The following SMOC2 variants were observed in gnomAD, a reference collection of about 807,000 sequenced individuals.
The protein encoded by SMOC2 is SPARC related modular calcium binding 2, also known as SPARC-related modular calcium-binding protein 2.
Under a neutral mutation model 61.4 loss-of-function variants are expected in SMOC2, and 39 were observed. The ratio of observed to expected loss-of-function variants is 0.64; its 90% CI spans 0.49 to 0.83. SMOC2 has a LOEUF of 0.83. SMOC2 is among the 40% of genes least tolerant of loss of function. SMOC2 has a pLI of 0.00. For missense variants in SMOC2, 556 were observed against 592.9 expected, an observed-to-expected ratio of 0.94 and a Z score of 0.65; for synonymous variants, 247 against 239.9, an observed-to-expected ratio of 1.03 and a Z score of -0.27.
At chr6:168,571,558 C>T (rs1185805078) in intron 7 of SMOC2, among the ~76,000 whole-genome samples, 2 of 152,090 alleles carry the variant, frequency 1.3e-5, no homozygotes, top group African/African-American at 2.4e-5. Flanking sequence ...TCTGTTTAGA[C>T]GGTTGCATGA....
intron 2 of SMOC2, among the ~76,000 whole-genome samples, chr6:168,521,534 C>G (rs903514947): frequency 6.6e-6 from 1 of 152,020 alleles, no homozygotes; most frequent in African/African-American, 2.4e-5. Context: ...GAAATATCAT[C>G]CAACAGGTAG....
At chr6:168,663,904 C>A (rs373649806) in intron 11 of SMOC2, among the ~76,000 whole-genome samples, 170 bp from the exon 12 acceptor site, 2 of 152,016 alleles carry the variant, frequency 1.3e-5, no homozygotes. Flanking sequence ...TGGAACCAAT[C>A]CCTTCTGGAT....
chr6:168,634,655 A>G (rs1786667022), intron 9 of SMOC2, among the ~76,000 whole-genome samples: 1 of 152,248 alleles, frequency 6.6e-6, no homozygotes, highest in Non-Finnish European at 1.5e-5. Context: ...AGGCTACAAG[A>G]CCAGAACTTG....
intron 8 of SMOC2, among the ~76,000 whole-genome samples, chr6:168,601,720 C>T (rs1015782721): frequency 6.6e-6 from 1 of 152,094 alleles, no homozygotes; most frequent in Non-Finnish European, 1.5e-5. Context: ...GCTGTCAAAC[C>T]CAGAGCTCCT....
At chr6:168,443,922 C>G (rs371809853) in intron 1 of SMOC2, among the ~76,000 whole-genome samples, 1 of 152,182 alleles carries the variant, frequency 6.6e-6, no homozygotes, top group African/African-American at 2.4e-5. Context: ...AATACATAAT[C>G]TCTTTCAAGC....
intron 7 of SMOC2, among the ~76,000 whole-genome samples, chr6:168,585,392 C>G (rs1785024911): frequency 6.6e-6 from 1 of 152,216 alleles, no homozygotes. Flanking sequence ...CATTCATTCT[C>G]TGCAATTTAC....
chr6:168,647,665 G>A (rs1362907142), intron 9 of SMOC2, among the ~76,000 whole-genome samples: 4 of 152,206 alleles, frequency 2.6e-5, no homozygotes, highest in Admixed American at 6.5e-5. Context: ...ACATCTCAGG[G>A]TGATGAAATT....
Position 168,552,912 on chromosome 6 carries a change from C to T in SMOC2, c.637+3709C>T, listed in dbSNP as rs549774988. 4.0e-5 allele frequency among the ~76,000 whole-genome samples: 6 copies of T among 150,734 alleles called. No individual in the cohort carries two copies. The South Asian group carries it at 1.1e-3, about 27-fold the overall frequency. The stretch of plus-strand genomic sequence containing the variant: ...CCTCACTGTCCTCCGAGATGCTCTG[C>T]AGGAGGTGAGTGACGGCACTTGAAA... On this transcript the variant is annotated intron_variant, in intron 7 of 12. Coordinates refer to ENST00000356284, the MANE Select transcript of SMOC2 (RefSeq NM_001166412.2).
At chr6:168,608,786 A>G (rs1005225920) in intron 9 of SMOC2, among the ~76,000 whole-genome samples, 27 of 152,238 alleles carry the variant, frequency 1.8e-4, no homozygotes, top group African/African-American at 6.5e-4. Flanking sequence ...GGTGAATTTG[A>G]TATATCATTA....
intron 9 of SMOC2, among the ~76,000 whole-genome samples, chr6:168,625,293 G>C (rs1038309762): frequency 2.0e-5 from 3 of 152,218 alleles, no homozygotes; most frequent in Admixed American, 2.0e-4. Flanking sequence ...CAGCGCTGCA[G>C]AGTCCCCTTC....
intron 1 of SMOC2, among the ~76,000 whole-genome samples, chr6:168,495,031 A>G (rs1160846597): frequency 6.6e-6 from 1 of 152,212 alleles, no homozygotes; most frequent in Non-Finnish European, 1.5e-5. Flanking sequence ...ACCTTCCTGA[A>G]ACCCGCAGGG....
intron 7 of SMOC2, among the ~76,000 whole-genome samples, chr6:168,597,253 T>C (rs1785357784): frequency 6.6e-6 from 1 of 152,248 alleles, no homozygotes; most frequent in Admixed American, 6.5e-5. Context: ...TAGTCAGTAA[T>C]GGACTAATCA....
intron 7 of SMOC2, among the ~76,000 whole-genome samples, chr6:168,556,428 G>T (rs1045248347): frequency 1.3e-5 from 2 of 152,166 alleles, no homozygotes; most frequent in African/African-American, 2.4e-5. Context: ...CCCCACGCGG[G>T]AAGCTGTTCC....
chr6:168,530,165 A>G (rs1016987037), intron 4 of SMOC2, among the ~76,000 whole-genome samples: 7 of 152,144 alleles, frequency 4.6e-5, no homozygotes, highest in African/African-American at 1.4e-4. Flanking sequence ...CAGAAAGTGC[A>G]TGTGTGTGTG....
At chr6:168,478,738 A>G (rs893860053) in intron 1 of SMOC2, among the ~76,000 whole-genome samples, 1 of 152,198 alleles carries the variant, frequency 6.6e-6, no homozygotes, top group Non-Finnish European at 1.5e-5. Context: ...GGAACATTGA[A>G]TGATATATTG....
chr6:168,521,579 C>T (rs953752949), intron 2 of SMOC2, among the ~76,000 whole-genome samples: 3 of 152,028 alleles, frequency 2.0e-5, no homozygotes, highest in East Asian at 1.9e-4. Context: ...TATCATTAAC[C>T]AAAAATTCAT....
chr6:168,565,802 T>C (rs1784527877), intron 7 of SMOC2, among the ~76,000 whole-genome samples: 1 of 152,154 alleles, frequency 6.6e-6, no homozygotes, highest in Non-Finnish European at 1.5e-5. Flanking sequence ...GTCTTCCCAG[T>C]GAAAAACGGC....
chr6:168,474,106 G>T (rs1376444172), intron 1 of SMOC2, among the ~76,000 whole-genome samples: 1 of 152,150 alleles, frequency 6.6e-6, no homozygotes, highest in Non-Finnish European at 1.5e-5. Context: ...GTTCATCCGT[G>T]CATTGATGGA....
At chr6:168,617,079 G>A (rs1786113864) in intron 9 of SMOC2, among the ~76,000 whole-genome samples, 1 of 152,222 alleles carries the variant, frequency 6.6e-6, no homozygotes, top group African/African-American at 2.4e-5. Context: ...CTTGCAGCAA[G>A]GCCAGCAGAA....
Sources: allele counts gnomAD v4.1 joint callset (sites outside exome capture counted in the v4.1 genomes callset), GRCh38; gene constraint gnomAD v4.1.1; transcripts MANE v1.5; gene names NCBI Gene and HGNC (gene_info 2026-07-23, HGNC 2026-07-21).